The following INTS7 variants were observed in gnomAD, a reference collection of about 807,000 sequenced individuals.
The protein encoded by INTS7 is integrator complex subunit 7.
Under a neutral mutation model 109.2 loss-of-function variants are expected in INTS7, and 46 were observed. The ratio of observed to expected loss-of-function variants is 0.42; its 90% CI spans 0.33 to 0.54. The LOEUF (loss-of-function observed/expected upper bound fraction) is 0.54, where lower values mean the gene tolerates loss of function less well. Among genes scored for constraint, INTS7 ranks in the 20% least tolerant of loss-of-function variants. The pLI, the probability that INTS7 is intolerant of heterozygous loss-of-function variation, is 0.07. For missense variants in INTS7, 929 were observed against 1,132.4 expected, an observed-to-expected ratio of 0.82 and a Z score of 2.58; for synonymous variants, 412 against 402.9, an observed-to-expected ratio of 1.02 and a Z score of -0.27.
Position 211,967,306 on chromosome 1 carries a change from C to A in INTS7, c.2114+572G>T, listed in dbSNP as rs555638854. On this transcript the variant is annotated intron_variant, in intron 15 of 19. Coordinates refer to ENST00000366994, the MANE Select transcript of INTS7 (RefSeq NM_015434.4). ...TCTCTACTAAAAATATAAAAATTAG[C>A]CAGGTTGTGGTGGCACACACCTGTA... Among the ~76,000 whole-genome samples the A allele has an allele frequency of 9.2e-5, 14 of 151,800 alleles. No homozygotes were observed. In the South Asian group the frequency reaches 2.9e-3, roughly 32 times the overall value.
intron 7 of INTS7, among the ~76,000 whole-genome samples, chr1:212,000,876 T>C (rs1665636582): frequency 6.6e-6 from 1 of 152,180 alleles, no homozygotes; most frequent in East Asian, 1.9e-4. Flanking sequence ...AGAGAAAGCC[T>C]ATCTACTTCT....
chr1:211,978,613 G>A, intron 10 of INTS7, 102 bp from the exon 11 acceptor site: 2 of 1,307,446 alleles, frequency 1.5e-6, no homozygotes, highest in South Asian at 2.8e-5. Flanking sequence ...TCAAGGGTGA[G>A]GTTTCTTGTA....
intron 16 of INTS7, among the ~76,000 whole-genome samples, chr1:211,956,404 C>T (rs2102394661): frequency 6.6e-6 from 1 of 152,158 alleles, no homozygotes; most frequent in South Asian, 2.1e-4. Flanking sequence ...CTGGGATAAA[C>T]CCTATTTAGT....
At chr1:212,019,811 C>T (rs934672315) in intron 3 of INTS7, among the ~76,000 whole-genome samples, 1 of 152,094 alleles carries the variant, frequency 6.6e-6, no homozygotes, top group Admixed American at 6.5e-5. Flanking sequence ...GGCAGGAACA[C>T]GAAGTTCAAA....
At chr1:211,963,468 G>A (rs1026364722) in intron 16 of INTS7, among the ~76,000 whole-genome samples, 4 of 152,078 alleles carry the variant, frequency 2.6e-5, no homozygotes, top group African/African-American at 9.7e-5. Flanking sequence ...TTAAGGAGGA[G>A]GGACTCCTCC....
intron 10 of INTS7, among the ~76,000 whole-genome samples, chr1:211,979,198 T>C (rs1167368858): frequency 6.6e-6 from 1 of 152,224 alleles, no homozygotes; most frequent in East Asian, 1.9e-4. Flanking sequence ...TATCCACTGT[T>C]GGCACTTTTC....
intron 4 of INTS7, 65 bp from the exon 5 acceptor site, chr1:212,011,486 A>G (rs1266989250): frequency 1.9e-6 from 2 of 1,026,740 alleles, no homozygotes; most frequent in Non-Finnish European, 3.0e-6. Context: ...AAGGACTTAA[A>G]AGAAATAAAA....
At chr1:212,016,781 A>G (rs1666463640) in intron 4 of INTS7, 105 bp downstream of exon 4, 1 of 857,726 alleles carries the variant, frequency 1.2e-6, no homozygotes, top group Admixed American at 2.8e-5. Flanking sequence ...TGTAATTTAC[A>G]CTTTCCTGTA....
At chr1:211,988,989 A>C (rs914229382) in intron 7 of INTS7, among the ~76,000 whole-genome samples, 10 of 152,236 alleles carry the variant, frequency 6.6e-5, no homozygotes, top group Admixed American at 3.9e-4. Context: ...ATGATTCTGT[A>C]TCATATAACT....
intron 8 of INTS7, among the ~76,000 whole-genome samples, chr1:211,983,832 T>G (rs1418654544): frequency 6.8e-6 from 1 of 147,818 alleles, no homozygotes; most frequent in Non-Finnish European, 1.5e-5. Flanking sequence ...CAGTGTTTTT[T>G]GGGTTTTTGT....
At chr1:212,011,266 A>G in intron 5 of INTS7, 109 bp downstream of exon 5, 1 of 630,036 alleles carries the variant, frequency 1.6e-6, no homozygotes, top group Non-Finnish European at 2.8e-6. Flanking sequence ...TACTTAATAA[A>G]TATTATTTGA....
Position 211,941,691 on chromosome 1 carries a change from G to A in INTS7, c.*133C>T, listed in dbSNP as rs1662636555. On this transcript the variant is annotated 3_prime_UTR_variant, in exon 20 of 20. Transcript: ENST00000366994. ...TTTTAAGAAAACAAAATTTTTTCCA[G>A]AATATTACATTACAAAAATCAATGA... The A allele has an allele frequency of 3.6e-6, 5 of 1,373,348 alleles. No homozygotes were observed. Among genetic ancestry groups the A allele is most frequent in the Non-Finnish European group, 4.9e-6 (5 of 1,022,734 alleles). The allele number at this position is 1,373,348 out of a possible 1,614,324, so 85.1% of individuals were successfully genotyped here.
rs143054075 is a variant in INTS7 at position 211,967,543 on chromosome 1, A to T, written c.2114+335T>A. The stretch of plus-strand genomic sequence containing the variant: ...AACTAGGACTGTTGGCCACAAAGAA[A>T]GGTGAGGTGAAATACATGTTCTTTG... On this transcript the variant is annotated intron_variant, in intron 15 of 19. Coordinates refer to ENST00000366994, the MANE Select transcript of INTS7 (RefSeq NM_015434.4). Among the ~76,000 whole-genome samples, 814 of 152,118 alleles carry T rather than the reference A, an allele frequency of 5.4e-3. 4 individuals are homozygous for T. Among genetic ancestry groups the T allele is most frequent in the African/African-American group, 0.019 (772 of 41,488 alleles).
chr1:211,971,453 G>A (rs1375580962), intron 13 of INTS7, among the ~76,000 whole-genome samples: 1 of 152,172 alleles, frequency 6.6e-6, no homozygotes, highest in Non-Finnish European at 1.5e-5. Flanking sequence ...AAGACTATAT[G>A]GCAGGGAAAT....
intron 3 of INTS7, among the ~76,000 whole-genome samples, chr1:212,018,669 TAATATC>T (rs1247388555): frequency 1.9e-4 from 29 of 152,262 alleles, no homozygotes; most frequent in Middle Eastern, 3.4e-3. Flanking sequence ...ACATATATAT[TAATATC>T]AACTAGCAAA....
chr1:211,987,209 A>G (rs1301798537), intron 8 of INTS7, among the ~76,000 whole-genome samples: 1 of 152,008 alleles, frequency 6.6e-6, no homozygotes, highest in Non-Finnish European at 1.5e-5. Flanking sequence ...AGGCAAGAGA[A>G]TTTCTTGAAA....
intron 16 of INTS7, among the ~76,000 whole-genome samples, chr1:211,962,119 A>G (rs187289696): frequency 1.8e-4 from 27 of 152,294 alleles, no homozygotes; most frequent in African/African-American, 5.5e-4. Flanking sequence ...ATGGTATGCC[A>G]AGAGTCTCAT....
At chr1:211,995,329 C>G (rs745766962) in intron 7 of INTS7, among the ~76,000 whole-genome samples, 1 of 152,142 alleles carries the variant, frequency 6.6e-6, no homozygotes, top group Non-Finnish European at 1.5e-5. Context: ...ACTTATGGTA[C>G]ACATTTTTAA....
chr1:211,967,301 A>C (rs1663932806), intron 15 of INTS7, among the ~76,000 whole-genome samples: 1 of 152,038 alleles, frequency 6.6e-6, no homozygotes, highest in East Asian at 1.9e-4. Flanking sequence ...AAATATAAAA[A>C]TTAGCCAGGT....
Sources: allele counts gnomAD v4.1 joint callset (sites outside exome capture counted in the v4.1 genomes callset), GRCh38; gene constraint gnomAD v4.1.1; transcripts MANE v1.5; gene names NCBI Gene and HGNC (gene_info 2026-07-23, HGNC 2026-07-21).